DMD: variants seen among roughly 807,000 people sequenced by gnomAD.
DMD encodes mutant dystrophin.
Under a neutral mutation model 330.1 loss-of-function variants are expected in DMD, and 63 were observed. That is an observed-to-expected ratio of 0.19 (90% CI 0.16 to 0.24). The LOEUF (loss-of-function observed/expected upper bound fraction) is 0.24, where lower values mean the gene tolerates loss of function less well. Among genes scored for constraint, DMD ranks in the 10% least tolerant of loss-of-function variants. The probability of loss-of-function intolerance (pLI) is 1.00; values close to 1 mark genes in which losing one functional copy is unlikely to be tolerated. For missense variants in DMD, 3,344 were observed against 2,684.1 expected, an observed-to-expected ratio of 1.25 and a Z score of -5.43; for synonymous variants, 1,223 against 959.8, an observed-to-expected ratio of 1.27 and a Z score of -5.07.
At chrX:32,681,254 G>C (rs1250118550) in intron 9 of DMD, among the ~76,000 whole-genome samples, 1 of 111,404 alleles carries the variant, frequency 9.0e-6, no homozygotes, top group Non-Finnish European at 1.9e-5. Context: ...ATCTTCCTGA[G>C]TACGAGTCGA....
At chrX:33,114,293 A>G (rs1179851992) in intron 1 of DMD, among the ~76,000 whole-genome samples, 2 of 109,318 alleles carry the variant, frequency 1.8e-5, no homozygotes, top group African/African-American at 3.3e-5. Context: ...TATTTTTAGT[A>G]GAGACGGGGT....
intron 44 of DMD, among the ~76,000 whole-genome samples, chrX:32,146,373 GGA>G (rs1254603804): frequency 2.7e-5 from 3 of 111,296 alleles, no homozygotes; most frequent in Admixed American, 9.6e-5. Context: ...AGGGATGGTG[GGA>G]GAGAGAGAAG....
chrX:31,507,571 A>G (rs1216229621), intron 55 of DMD, 118 bp from the exon 56 acceptor site: 4 of 734,653 alleles, frequency 5.4e-6, no homozygotes, highest in Non-Finnish European at 8.0e-6. Flanking sequence ...AGACATTTCA[A>G]TCAGGCTAAA....
At chrX:33,190,475 C>CTTTTTT (rs1179347488) in intron 1 of DMD, among the ~76,000 whole-genome samples, 18 of 22,434 alleles carry the variant, frequency 8.0e-4, no homozygotes, top group African/African-American at 1.5e-3. Flanking sequence ...ATCTTTCTTT[C>CTTTTTT]TTTTTTTTTT....
chrX:33,275,789 A>G (rs1297304589), intron 1 of DMD, among the ~76,000 whole-genome samples: 1 of 112,020 alleles, frequency 8.9e-6, no homozygotes, highest in Non-Finnish European at 1.9e-5. Context: ...ATCCTAGAAA[A>G]TTGGGAAAAT....
intron 18 of DMD, among the ~76,000 whole-genome samples, chrX:32,511,993 A>T (rs1319705693): frequency 8.9e-6 from 1 of 112,079 alleles, no homozygotes; most frequent in African/African-American, 3.2e-5. Context: ...ATCAGAAATG[A>T]GTGATTATTG....
intron 18 of DMD, among the ~76,000 whole-genome samples, chrX:32,514,948 C>T (rs2045712224): frequency 9.0e-6 from 1 of 111,527 alleles, no homozygotes. Context: ...CCAAAGTCTT[C>T]AATGAGAAAA....
intron 1 of DMD, among the ~76,000 whole-genome samples, chrX:33,155,910 G>A (rs1339373547): frequency 9.0e-6 from 1 of 111,350 alleles, no homozygotes; most frequent in Non-Finnish European, 1.9e-5. Flanking sequence ...CCAAGTGACA[G>A]AGCAAGACCT....
At chrX:32,390,576 G>T (rs187430973) in intron 30 of DMD, among the ~76,000 whole-genome samples, 32 of 111,843 alleles carry the variant, frequency 2.9e-4, no homozygotes, top group African/African-American at 1.0e-3. Context: ...ACTCAAATCG[G>T]ACCAAAGACA....
In DMD at chrX:32,657,295, G is replaced by A. The variant is rs745771075; in HGVS notation, c.961-12143C>T. On this transcript the variant is annotated intron_variant, in intron 9 of 78. Transcript: ENST00000357033. ...AAAATAATAGAAGATTTAGAGAAAT[G>A]TACCTAGAACAATTTAATAACCCAA... Among the ~76,000 whole-genome samples, 28 of 111,271 alleles carry A rather than the reference G, an allele frequency of 2.5e-4. 1 individual carries two copies. The highest frequency in any genetic ancestry group is 5.8e-4 in the Admixed American group (6 of 10,362).
intron 1 of DMD, among the ~76,000 whole-genome samples, chrX:33,320,861 A>G (rs1026010111): frequency 7.1e-5 from 8 of 112,351 alleles, no homozygotes; most frequent in Non-Finnish European, 1.5e-4. Context: ...CATCTCAACA[A>G]TGTTCTCAGC....
intron 51 of DMD, among the ~76,000 whole-genome samples, chrX:31,746,778 ATGTG>A (rs1315876616): frequency 1.8e-5 from 2 of 110,499 alleles, no homozygotes; most frequent in Non-Finnish European, 3.8e-5. Flanking sequence ...ACAGGAGTGC[ATGTG>A]TGTATGTGTG....
At chrX:31,543,505 C>T (rs1004899416) in intron 55 of DMD, among the ~76,000 whole-genome samples, 3 of 111,868 alleles carry the variant, frequency 2.7e-5, no homozygotes, top group African/African-American at 9.8e-5. Context: ...GTGGGTGTCA[C>T]CCCTCCCTTC....
chrX:32,040,493 A>G (rs954989311), intron 44 of DMD, among the ~76,000 whole-genome samples: 3 of 112,060 alleles, frequency 2.7e-5, no homozygotes, highest in African/African-American at 9.7e-5. Flanking sequence ...GCTAAAGTCC[A>G]GACCAGAGAA....
chrX:31,521,251 C>T (rs182341361), intron 55 of DMD, among the ~76,000 whole-genome samples: 2 of 107,370 alleles, frequency 1.9e-5, no homozygotes, highest in African/African-American at 6.8e-5. Flanking sequence ...CTCTGTCCCC[C>T]TCCTGGGTTC....
At chrX:32,918,561 G>A (rs756229351) in intron 2 of DMD, among the ~76,000 whole-genome samples, 57 of 111,180 alleles carry the variant, frequency 5.1e-4, no homozygotes, top group African/African-American at 1.8e-3. Flanking sequence ...ATGTTGTCCA[G>A]GCTGGTCTCG....
At chrX:32,349,265 A>T (rs2097773899) in intron 37 of DMD, among the ~76,000 whole-genome samples, 1 of 111,445 alleles carries the variant, frequency 9.0e-6, no homozygotes, top group Non-Finnish European at 1.9e-5. Flanking sequence ...AGACATGGAA[A>T]ATCAAATATA....
intron 45 of DMD, among the ~76,000 whole-genome samples, chrX:31,952,378 C>T (rs1285301850): frequency 9.1e-6 from 1 of 109,333 alleles, no homozygotes; most frequent in East Asian, 2.9e-4. Context: ...GACTCATGTT[C>T]GTTTTTTATA....
intron 19 of DMD, 29 bp from the exon 20 acceptor site, chrX:32,491,547 C>G: frequency 8.5e-7 from 1 of 1,181,987 alleles, no homozygotes; most frequent in Non-Finnish European, 1.1e-6. Context: ...TTAAATATAT[C>G]CCCTGAACCC....
Sources: allele counts gnomAD v4.1 joint callset (sites outside exome capture counted in the v4.1 genomes callset), GRCh38; gene constraint gnomAD v4.1.1; transcripts MANE v1.5; gene names NCBI Gene and HGNC (gene_info 2026-07-23, HGNC 2026-07-21).